CTNND2: variants seen among roughly 807,000 people sequenced by gnomAD.
CTNND2 encodes the protein catenin delta 2, also known as catenin delta-2.
In CTNND2, 22 loss-of-function variants were observed where a neutral mutation model predicts 144.4. That is an observed-to-expected ratio of 0.15 (90% CI 0.11 to 0.22). The LOEUF (loss-of-function observed/expected upper bound fraction) is 0.22, where lower values mean the gene tolerates loss of function less well. Ranked by LOEUF, CTNND2 falls within the 10% of genes least tolerant of loss-of-function variation. CTNND2 has a pLI of 1.00. For synonymous variants in CTNND2, 751 were observed against 695.6 expected (o/e 1.08, Z -1.25); for missense variants, 1,353 against 1,618.8 (o/e 0.84, Z 2.82).
chr5:11,421,949 AG>A (rs1036496431), intron 3 of CTNND2, among the ~76,000 whole-genome samples: 3 of 152,186 alleles, frequency 2.0e-5, no homozygotes, highest in Non-Finnish European at 2.9e-5. Flanking sequence ...ATTGTACAAA[AG>A]TTAAGGGTAT....
chr5:11,727,388 T>C (rs1310118461), intron 2 of CTNND2, among the ~76,000 whole-genome samples: 1 of 152,190 alleles, frequency 6.6e-6, no homozygotes, highest in African/African-American at 2.4e-5. Context: ...TTATAAACCA[T>C]ATCATGTGTC....
chr5:11,098,723 T>C lies in CTNND2; in HGVS notation c.2489A>G (p.Asp830Gly), dbSNP rs1260371402. 2 of 1,614,070 alleles carry C rather than the reference T, an allele frequency of 1.2e-6. No homozygotes were observed. The highest frequency in any genetic ancestry group is 1.7e-6 in the Non-Finnish European group (2 of 1,179,982). ...DQWDGVGPLP[D>G]CAEPPKGIQM... The stretch of plus-strand genomic sequence containing the variant: ...GATCCCTTTTGGTGGTTCAGCACAG[T>C]CTGGAAGAGGTCCTACTCCATCCCA... Residue 830 changes from aspartate (D) to glycine (G), a missense_variant, in exon 15 of 22, where the codon GAC (aspartate) becomes GGC (glycine). Asp to Gly is a moderately conservative substitution (Grantham distance 94). Transcript: ENST00000304623.
At chr5:11,114,627 AG>A (rs1753359788) in intron 13 of CTNND2, among the ~76,000 whole-genome samples, 1 of 152,144 alleles carries the variant, frequency 6.6e-6, no homozygotes, top group Non-Finnish European at 1.5e-5. Flanking sequence ...TTTGGTTACC[AG>A]GGTCATTTTG....
intron 9 of CTNND2, among the ~76,000 whole-genome samples, chr5:11,302,050 C>T (rs1272844208): frequency 3.3e-5 from 5 of 152,124 alleles, no homozygotes; most frequent in African/African-American, 1.2e-4. Context: ...TGAGCTGGAG[C>T]TGAGAGGTAA....
chr5:11,787,010 C>T (rs963383723), intron 1 of CTNND2, among the ~76,000 whole-genome samples: 7 of 152,204 alleles, frequency 4.6e-5, no homozygotes, highest in Non-Finnish European at 1.0e-4. Context: ...TCATCAGCAA[C>T]TTAGGTTCCT....
chr5:11,414,721 A>T (rs1037644497), intron 3 of CTNND2, among the ~76,000 whole-genome samples: 4 of 152,146 alleles, frequency 2.6e-5, no homozygotes, highest in African/African-American at 9.7e-5. Flanking sequence ...AGAACCCAAG[A>T]GTTATCTTTT....
At chr5:11,696,148 T>C (rs772108641) in intron 2 of CTNND2, among the ~76,000 whole-genome samples, 27 of 152,348 alleles carry the variant, frequency 1.8e-4, no homozygotes, top group Middle Eastern at 3.4e-3. Context: ...ATCTCATCTC[T>C]TCTCCAACTG....
chr5:11,808,344 A>G (rs1225065663), intron 1 of CTNND2, among the ~76,000 whole-genome samples: 2 of 152,116 alleles, frequency 1.3e-5, no homozygotes, highest in Non-Finnish European at 2.9e-5. Flanking sequence ...TGCTATGCTC[A>G]CAGAGCTGAC....
At chr5:11,838,225 T>C (rs971738319) in intron 1 of CTNND2, among the ~76,000 whole-genome samples, 2 of 152,190 alleles carry the variant, frequency 1.3e-5, no homozygotes, top group Non-Finnish European at 2.9e-5. Flanking sequence ...TTCAGGCCTT[T>C]TGTTTCCACC....
intron 11 of CTNND2, among the ~76,000 whole-genome samples, chr5:11,182,223 G>C (rs1448421357): frequency 6.6e-6 from 1 of 151,064 alleles, no homozygotes; most frequent in Non-Finnish European, 1.5e-5. Context: ...TGTAGTGTGT[G>C]TGTGGTATAT....
chr5:11,462,732 G>T (rs754825316), intron 3 of CTNND2, among the ~76,000 whole-genome samples: 6 of 152,060 alleles, frequency 3.9e-5, no homozygotes, highest in Admixed American at 2.0e-4. Flanking sequence ...ATGTGCTGTT[G>T]TTGTTGTTTT....
chr5:11,485,372 TGTGCGCGCGC>T (rs1420008675), intron 3 of CTNND2, among the ~76,000 whole-genome samples: 1 of 125,714 alleles, frequency 8.0e-6, no homozygotes, highest in Non-Finnish European at 1.8e-5. Flanking sequence ...TGTGTGTGTG[TGTGCGCGCGC>T]GCGCGTGCGC....
chr5:11,754,654 T>C (rs917400293), intron 1 of CTNND2, among the ~76,000 whole-genome samples: 1 of 151,910 alleles, frequency 6.6e-6, no homozygotes, highest in Admixed American at 6.6e-5. Flanking sequence ...TGGGTGCATA[T>C]ACATACAGGA....
At chr5:11,081,100 A>ACT (rs1749521789) in intron 16 of CTNND2, among the ~76,000 whole-genome samples, 1 of 150,654 alleles carries the variant, frequency 6.6e-6, no homozygotes, top group Non-Finnish European at 1.5e-5. Context: ...ACACACACAC[A>ACT]CACACACTCA....
At chr5:11,841,174 A>G (rs1385262909) in intron 1 of CTNND2, among the ~76,000 whole-genome samples, 1 of 152,214 alleles carries the variant, frequency 6.6e-6, no homozygotes, top group East Asian at 1.9e-4. Flanking sequence ...GTAACTTTCC[A>G]AAGTGCAATC....
intron 18 of CTNND2, among the ~76,000 whole-genome samples, chr5:10,997,950 A>T (rs1739529661): frequency 1.3e-5 from 2 of 152,184 alleles, no homozygotes; most frequent in Admixed American, 1.3e-4. Context: ...GTTTGTTAGC[A>T]TTGCTCTCTT....
chr5:11,795,279 G>A (rs995187945), intron 1 of CTNND2, among the ~76,000 whole-genome samples: 2 of 152,140 alleles, frequency 1.3e-5, no homozygotes, highest in Non-Finnish European at 2.9e-5. Flanking sequence ...CGACCCTTCA[G>A]CTGAGCCATG....
intron 1 of CTNND2, among the ~76,000 whole-genome samples, chr5:11,804,177 A>G (rs1156637969): frequency 6.6e-6 from 1 of 152,168 alleles, no homozygotes; most frequent in East Asian, 1.9e-4. Flanking sequence ...TAGAATGGCT[A>G]ATATCTAAAA....
intron 1 of CTNND2, among the ~76,000 whole-genome samples, chr5:11,760,711 T>C (rs1463592933): frequency 6.6e-6 from 1 of 152,166 alleles, no homozygotes; most frequent in Non-Finnish European, 1.5e-5. Context: ...AGCAGACTCA[T>C]ATTTAAATAA....
Sources: gnomAD v4.1 joint callset for allele counts (sites outside exome capture counted in the v4.1 genomes callset) on GRCh38, gnomAD v4.1.1 for gene constraint, MANE v1.5 for transcripts, NCBI Gene and HGNC (gene_info 2026-07-23, HGNC 2026-07-21) for gene names.